The following VPS41 variants were observed in gnomAD, a reference collection of about 807,000 sequenced individuals.
VPS41 encodes VPS41 subunit of HOPS complex.
Under a neutral mutation model 130.9 loss-of-function variants are expected in VPS41, and 85 were observed. The observed-to-expected ratio is 0.65, with a 90% CI of 0.55 to 0.78. The LOEUF is 0.78. Among genes scored for constraint, VPS41 ranks in the 30% least tolerant of loss-of-function variants. The pLI is 0.00. For missense variants in VPS41, 874 were observed against 1,018.7 expected (o/e 0.86, Z 1.93); for synonymous variants, 335 against 332.9 (o/e 1.01, Z -0.07).
chr7:38,802,195 G>A (rs190231265), intron 7 of VPS41, among the ~76,000 whole-genome samples: 6 of 152,242 alleles, frequency 3.9e-5, no homozygotes, highest in Admixed American at 2.6e-4. Context: ...TCAGAGACAC[G>A]AACTGGCCAC....
At chr7:38,823,295 T>C (rs1785212091) in intron 5 of VPS41, among the ~76,000 whole-genome samples, 1 of 152,180 alleles carries the variant, frequency 6.6e-6, no homozygotes, top group South Asian at 2.1e-4. Flanking sequence ...CCTTCTGCCA[T>C]GTGAAGTTAC....
intron 2 of VPS41, among the ~76,000 whole-genome samples, chr7:38,885,750 A>G (rs1169089305): frequency 6.6e-6 from 1 of 152,376 alleles, no homozygotes; most frequent in African/African-American, 2.4e-5. Flanking sequence ...TGTTGGAAAT[A>G]TCAAAGTAGC....
intron 1 of VPS41, among the ~76,000 whole-genome samples, chr7:38,904,607 T>A (rs968885335): frequency 2.0e-5 from 3 of 152,238 alleles, no homozygotes; most frequent in African/African-American, 7.2e-5. Flanking sequence ...TTTAACATAC[T>A]TTATATTCAC....
intron 3 of VPS41, among the ~76,000 whole-genome samples, chr7:38,863,196 C>A (rs1253761325): frequency 1.3e-5 from 2 of 152,032 alleles, no homozygotes; most frequent in African/African-American, 2.4e-5. Context: ...TATTATCATG[C>A]AAAATAAAAA....
chr7:38,779,642 T>C (rs962430513), intron 10 of VPS41, among the ~76,000 whole-genome samples: 1 of 152,256 alleles, frequency 6.6e-6, no homozygotes, highest in African/African-American at 2.4e-5. Context: ...TCTTTACTAA[T>C]GCAGCGAAAC....
intron 4 of VPS41, among the ~76,000 whole-genome samples, chr7:38,843,408 C>T (rs1303842549): frequency 5.3e-5 from 8 of 152,108 alleles, no homozygotes; most frequent in East Asian, 1.9e-4. Flanking sequence ...ACTGGCCGGG[C>T]GCGGTGGCTC....
intron 27 of VPS41, chr7:38,728,192 T>A (rs1192220146): frequency 4.4e-6 from 2 of 454,410 alleles, no homozygotes; most frequent in Non-Finnish European, 8.0e-6. Flanking sequence ...GAAGGGCCCC[T>A]GAACCAGTGG....
chr7:38,864,416 C>T (rs1439984885), intron 3 of VPS41, among the ~76,000 whole-genome samples: 2 of 151,922 alleles, frequency 1.3e-5, no homozygotes, highest in Admixed American at 1.3e-4. Flanking sequence ...CATCCTAAAA[C>T]TAAAACTATG....
intron 4 of VPS41, among the ~76,000 whole-genome samples, chr7:38,846,113 T>C (rs563419901): frequency 6.6e-6 from 1 of 152,224 alleles, no homozygotes; most frequent in African/African-American, 2.4e-5. Context: ...CAACTAATAG[T>C]ACCAAACACC....
chr7:38,857,928 T>C (rs1786020987), intron 4 of VPS41, among the ~76,000 whole-genome samples: 1 of 152,180 alleles, frequency 6.6e-6, no homozygotes, highest in East Asian at 1.9e-4. Context: ...TTACAGGTCA[T>C]AGGTAGATTC....
At chr7:38,834,660 G>A (rs1785457316) in intron 4 of VPS41, among the ~76,000 whole-genome samples, 1 of 152,212 alleles carries the variant, frequency 6.6e-6, no homozygotes, top group Admixed American at 6.5e-5. Flanking sequence ...CACGTTTTAT[G>A]TAAAGTTACA....
chr7:38,754,225 T>C (rs913814550), intron 21 of VPS41, among the ~76,000 whole-genome samples: 3 of 152,200 alleles, frequency 2.0e-5, no homozygotes, highest in Admixed American at 6.5e-5. Context: ...CTCTGTGGTC[T>C]GGATATGGAA....
chr7:38,798,586 C>A (rs890649176), intron 7 of VPS41, among the ~76,000 whole-genome samples: 1 of 152,166 alleles, frequency 6.6e-6, no homozygotes, highest in African/African-American at 2.4e-5. Flanking sequence ...AGCAACCACG[C>A]CTGGCCACAA....
chr7:38,804,497 G>A (rs910352989), intron 7 of VPS41, among the ~76,000 whole-genome samples: 11 of 152,276 alleles, frequency 7.2e-5, no homozygotes, highest in East Asian at 5.8e-4. Context: ...TTAATTCTGC[G>A]AAACCTATAT....
intron 3 of VPS41, among the ~76,000 whole-genome samples, chr7:38,867,342 T>C (rs766271462): frequency 6.6e-5 from 10 of 151,776 alleles, no homozygotes; most frequent in Non-Finnish European, 1.5e-4. Context: ...GGTCAGAAGT[T>C]AGAGACCAGC....
intron 4 of VPS41, among the ~76,000 whole-genome samples, chr7:38,834,889 T>C (rs894353684): frequency 6.6e-6 from 1 of 152,070 alleles, no homozygotes; most frequent in African/African-American, 2.4e-5. Context: ...TCATCAGTGA[T>C]GAAAATATCT....
intron 2 of VPS41, among the ~76,000 whole-genome samples, chr7:38,874,563 T>G (rs1479961023): frequency 6.6e-6 from 1 of 152,168 alleles, no homozygotes; most frequent in African/African-American, 2.4e-5. Context: ...TTAGTTGGTT[T>G]CATGTCATCA....
Position 38,745,736 on chromosome 7 carries a change from C to A in VPS41, c.1927-123G>T, listed in dbSNP as rs913363659. 1.0e-5 allele frequency: 8 copies of A among 776,898 alleles called. No individual in the cohort carries two copies. In the African/African-American group the frequency reaches 1.2e-4, roughly 12 times the overall value. 48.1% of individuals were successfully genotyped at this position (776,898 alleles called of 1,614,324 possible). A position where few individuals can be genotyped will look rare whatever the true frequency, so the allele number is the denominator to read the frequency against. The stretch of plus-strand genomic sequence containing the variant: ...CAGCTTCTTTAAAAATAAAACAAAG[C>A]AAACAAATAAAGAACACATCTCCCT... On this transcript the variant is annotated intron_variant, in intron 22 of 28. Transcript: ENST00000310301.
chr7:38,766,192 G>A (rs1784039392), intron 15 of VPS41, among the ~76,000 whole-genome samples: 1 of 152,150 alleles, frequency 6.6e-6, no homozygotes, highest in Non-Finnish European at 1.5e-5. Flanking sequence ...ATAACCTCAG[G>A]AGACGAGAAG....
Sources: allele counts gnomAD v4.1 joint callset (sites outside exome capture counted in the v4.1 genomes callset), GRCh38; gene constraint gnomAD v4.1.1; transcripts MANE v1.5; gene names NCBI Gene and HGNC (gene_info 2026-07-23, HGNC 2026-07-21).